UBP1: variants seen among roughly 807,000 people sequenced by gnomAD.
The protein encoded by UBP1 is upstream-binding protein 1.
A neutral mutation model predicts 76.1 loss-of-function variants in UBP1; 22 were observed. That is an observed-to-expected ratio of 0.29 (90% CI 0.21 to 0.41). The LOEUF is 0.41. UBP1 is among the 10% of genes least tolerant of loss of function. UBP1 has a pLI of 1.00. For synonymous variants in UBP1, 224 were observed against 237.1 expected (o/e 0.94, Z 0.51); for missense variants, 436 against 668.1 (o/e 0.65, Z 3.83).
chr3:33,419,664 T>C (rs1280494657), intron 2 of UBP1, among the ~76,000 whole-genome samples: 1 of 150,320 alleles, frequency 6.7e-6, no homozygotes, highest in Non-Finnish European at 1.5e-5. Context: ...AAGAAAAGAC[T>C]CTATAACACT....
At chr3:33,403,510 A>ATCTATCTGTCTG (rs1429519631) in intron 8 of UBP1, 1 of 21,174 alleles carries the variant, frequency 4.7e-5, no homozygotes, top group African/African-American at 7.5e-5. Flanking sequence ...CTATCTATCT[A>ATCTATCTGTCTG]TCTGTCTGTC....
Position 33,388,829 on chromosome 3 carries a change from A to G in UBP1, c.*1502T>C, listed in dbSNP as rs1036703316. On this transcript the variant is annotated 3_prime_UTR_variant, in exon 16 of 16. Transcript: ENST00000283629. ...AATTAACCCCCTTTATGAATAAAAC[A>G]TAAAATGTCAAAGCTTTTACTCACT... 6.6e-6 allele frequency: 1 copy of G among 152,240 alleles called. No individual in the cohort carries two copies. The highest frequency in any genetic ancestry group is 1.5e-5 in the Non-Finnish European group (1 of 68,046). 9.4% of individuals were successfully genotyped at this position (152,240 alleles called of 1,614,324 possible). A position where few individuals can be genotyped will look rare whatever the true frequency, so the allele number is the denominator to read the frequency against.
chr3:33,432,138 T>C (rs1348611010), intron 1 of UBP1, among the ~76,000 whole-genome samples: 4 of 151,946 alleles, frequency 2.6e-5, no homozygotes, highest in Non-Finnish European at 5.9e-5. Context: ...CTGGGTAACA[T>C]GGTGAAACCC....
intron 1 of UBP1, 47 bp from the exon 2 acceptor site, chr3:33,425,788 T>G (rs767206770): frequency 6.5e-7 from 1 of 1,540,146 alleles, no homozygotes; most frequent in Non-Finnish European, 8.9e-7. Flanking sequence ...GTTTGAAATA[T>G]TTGTCTACAG....
intron 1 of UBP1, among the ~76,000 whole-genome samples, chr3:33,438,418 G>A (rs1254895724): frequency 6.6e-6 from 1 of 152,236 alleles, no homozygotes; most frequent in Non-Finnish European, 1.5e-5. Flanking sequence ...CTAGAGGAGT[G>A]CGTTTTCACT....
intron 2 of UBP1, among the ~76,000 whole-genome samples, chr3:33,419,430 C>A (rs1303154478): frequency 1.3e-5 from 2 of 151,964 alleles, no homozygotes; most frequent in Admixed American, 6.6e-5. Flanking sequence ...GAGTTTGAGA[C>A]CAGCCTGGCC....
In UBP1 at chr3:33,392,826, GGTCA is replaced by G. The variant is rs201002588; in HGVS notation, c.1534-216_1534-213del. ...GTCCATAATGGTCCCTGAGAGACCT[GGTCA>G]GTCACCCATGTGACCCACAGGGGCA... On this transcript the variant is annotated intron_variant, in intron 14 of 15. Transcript: ENST00000283629. The G allele has an allele frequency of 2.9e-3, 1,377 of 474,012 alleles. 18 individuals carry two copies. The highest frequency in any genetic ancestry group is 0.02 in the African/African-American group (981 of 49,694). 29.4% of individuals were successfully genotyped at this position (474,012 alleles called of 1,614,324 possible). A position where few individuals can be genotyped will look rare whatever the true frequency, so the allele number is the denominator to read the frequency against.
At chr3:33,395,821 T>C (rs2043968769) in intron 13 of UBP1, among the ~76,000 whole-genome samples, 1 of 148,608 alleles carries the variant, frequency 6.7e-6, no homozygotes, top group African/African-American at 2.5e-5. Context: ...GCTGCCAGTG[T>C]TATATTCATC....
At chr3:33,412,860 A>C in intron 3 of UBP1, 33 bp from the exon 4 acceptor site, 3 of 1,411,508 alleles carry the variant, frequency 2.1e-6, no homozygotes, top group Non-Finnish European at 1.0e-6. Flanking sequence ...GAGTACTTTT[A>C]AACTGCTCCA....
intron 15 of UBP1, chr3:33,391,493 A>T (rs2043761796): frequency 6.6e-6 from 1 of 152,170 alleles, no homozygotes; most frequent in South Asian, 2.1e-4. Flanking sequence ...TTACATCTCA[A>T]GCCCAGGCCT....
At chr3:33,421,176 C>T (rs764158915) in intron 2 of UBP1, among the ~76,000 whole-genome samples, 46 of 152,208 alleles carry the variant, frequency 3.0e-4, no homozygotes, top group Non-Finnish European at 6.2e-4. Flanking sequence ...ATGTGTACTC[C>T]ACCCTCTGGT....
intron 9 of UBP1, among the ~76,000 whole-genome samples, chr3:33,401,359 T>C (rs2044222741): frequency 6.6e-6 from 1 of 152,094 alleles, no homozygotes; most frequent in Non-Finnish European, 1.5e-5. Flanking sequence ...GGAAAAAATA[T>C]GAAACATCAA....
At chr3:33,409,386 G>A in intron 6 of UBP1, 40 bp from the exon 7 acceptor site, 1 of 1,613,886 alleles carries the variant, frequency 6.2e-7, no homozygotes, top group Non-Finnish European at 8.5e-7. Flanking sequence ...TCAGGCTGCA[G>A]ACACACAGCT....
intron 12 of UBP1, chr3:33,396,671 CAATT>C (rs1463331891): frequency 4.8e-6 from 2 of 419,688 alleles, no homozygotes; most frequent in Non-Finnish European, 9.1e-6. Flanking sequence ...TTTTAATTCA[CAATT>C]AGTTTACATT....
At chr3:33,414,137 A>G (rs1425911856) in intron 3 of UBP1, 3 of 152,194 alleles carry the variant, frequency 2.0e-5, no homozygotes, top group South Asian at 4.1e-4. Flanking sequence ...TACAAGATAT[A>G]TAAGAAAAAT....
chr3:33,425,518 G>A lies in UBP1; in HGVS notation c.265+72C>T, dbSNP rs1266374707. On this transcript the variant is annotated intron_variant, in intron 2 of 15. Coordinates refer to ENST00000283629, the MANE Select transcript of UBP1 (RefSeq NM_014517.5). ...TTTTTAATTATTACCAATAATCTAG[G>A]CTACAATGCCAAAATATTATTTTGT... 6.5e-6 allele frequency: 9 copies of A among 1,377,846 alleles called. No individual in the cohort carries two copies. In the South Asian group the frequency reaches 9.0e-5, roughly 14 times the overall value. 85.4% of individuals were successfully genotyped at this position (1,377,846 alleles called of 1,614,324 possible).
intron 9 of UBP1, among the ~76,000 whole-genome samples, chr3:33,402,134 C>A (rs1248795219): frequency 2.6e-5 from 4 of 152,152 alleles, no homozygotes; most frequent in African/African-American, 7.2e-5. Flanking sequence ...AAATAGGGAA[C>A]TTCTGATGCT....
At chr3:33,404,846 G>A (rs1293180712) in intron 8 of UBP1, among the ~76,000 whole-genome samples, 3 of 152,102 alleles carry the variant, frequency 2.0e-5, no homozygotes, top group African/African-American at 7.2e-5. Flanking sequence ...TCCAGGACCT[G>A]AATGACACTA....
chr3:33,420,689 A>G (rs964001148), intron 2 of UBP1, among the ~76,000 whole-genome samples: 5 of 152,044 alleles, frequency 3.3e-5, no homozygotes, highest in African/African-American at 9.7e-5. Context: ...GGGTTTCACC[A>G]TGTTGGCTAG....
Sources: allele counts gnomAD v4.1 joint callset (sites outside exome capture counted in the v4.1 genomes callset), GRCh38; gene constraint gnomAD v4.1.1; transcripts MANE v1.5; gene names NCBI Gene and HGNC (gene_info 2026-07-23, HGNC 2026-07-21).